Variants in ABHD6 observed in about 807,000 individuals in gnomAD.
The protein encoded by ABHD6 is monoacylglycerol lipase ABHD6.
Under a neutral mutation model 38.8 loss-of-function variants are expected in ABHD6, and 33 were observed. That is an observed-to-expected ratio of 0.85 (90% CI 0.64 to 1.14). ABHD6 has a LOEUF of 1.14. Ranked by LOEUF, ABHD6 falls within the 50% of genes most tolerant of loss-of-function variation. ABHD6 has a pLI of 0.00. For synonymous variants in ABHD6, 147 were observed against 161.6 expected (o/e 0.91, Z 0.69); for missense variants, 380 against 422.6 (o/e 0.90, Z 0.88).
chr3:58,277,377 A>G lies in ABHD6; in HGVS notation c.681+2562A>G, dbSNP rs183629664. ...TAGGTATTTTATTCTCTTTGTAGCA[A>G]TTGTGAATGGGAGTTCACTCATGAT... is the stretch of plus-strand genomic sequence containing the variant. On this transcript the variant is annotated intron_variant, in intron 7 of 9. Transcript: ENST00000478253. Among the ~76,000 whole-genome samples the G allele has an allele frequency of 1.0e-3, 154 of 152,274 alleles. 2 individuals carry two copies. Among genetic ancestry groups the G allele is most frequent in the Admixed American group, 8.5e-3 (130 of 15,296 alleles).
Position 58,259,041 on chromosome 3 carries a change from C to T in ABHD6, c.119+2336C>T, listed in dbSNP as rs537389347. Among the ~76,000 whole-genome samples the T allele has an allele frequency of 2.6e-5, 4 of 152,210 alleles. No homozygotes were observed. Among genetic ancestry groups the T allele is most frequent in the Non-Finnish European group, 5.9e-5 (4 of 68,018 alleles). On this transcript the variant is annotated intron_variant, in intron 3 of 9. Transcript: ENST00000478253. This position sits in a 1 kb window ranked among gnomAD's most constrained non-coding sequence, Gnocchi z 4.7. Reference sequence around the variant, plus strand: ...AGTTGCGTGCCCCTTCTCATGGCCTCGTCAAGGCATCATGGACTGCCACAC... The same window carrying T: ...AGTTGCGTGCCCCTTCTCATGGCCTTGTCAAGGCATCATGGACTGCCACAC...
At chr3:58,253,461 T>C (rs1378782415) in intron 2 of ABHD6, among the ~76,000 whole-genome samples, 1 of 152,220 alleles carries the variant, frequency 6.6e-6, no homozygotes, top group East Asian at 1.9e-4. Context: ...GCTTACTCCT[T>C]GAAGGTGATG....
In ABHD6 at chr3:58,266,992, G is replaced by A. The variant is rs887716542; in HGVS notation, c.120-197G>A. Among the ~76,000 whole-genome samples the A allele has an allele frequency of 6.6e-6, 1 of 152,186 alleles. No homozygotes were observed. On this transcript the variant is annotated intron_variant, in intron 3 of 9. Transcript: ENST00000478253. The surrounding 1 kb of genome is among the most constrained non-coding windows in gnomAD (Gnocchi z 4.0). ...TATACCAAAATAGTTCATTTAAGGT[G>A]TTCTCTGGAATGGTTTGGCTTTGTG... is the stretch of plus-strand genomic sequence containing the variant.
chr3:58,279,058 TAAG>T (rs1176588238), intron 7 of ABHD6, among the ~76,000 whole-genome samples: 1 of 152,240 alleles, frequency 6.6e-6, no homozygotes, highest in Non-Finnish European at 1.5e-5. Context: ...GATGTGGTGC[TAAG>T]AAGAATGTAT....
At chr3:58,258,222 G>A (rs561620385) in intron 3 of ABHD6, among the ~76,000 whole-genome samples, 3 of 152,094 alleles carry the variant, frequency 2.0e-5, no homozygotes, top group Non-Finnish European at 4.4e-5. Flanking sequence ...CAGGAGAATC[G>A]CCTGATCCTG....
chr3:58,240,299 G>T (rs1258216684), intron 1 of ABHD6, among the ~76,000 whole-genome samples: 1 of 151,754 alleles, frequency 6.6e-6, no homozygotes, highest in Admixed American at 6.6e-5. Context: ...GGCTGACCTG[G>T]AACTCTTGGG....
At chr3:58,272,787 A>C (rs1470677196) in intron 6 of ABHD6, among the ~76,000 whole-genome samples, 1 of 152,228 alleles carries the variant, frequency 6.6e-6, no homozygotes, top group Non-Finnish European at 1.5e-5. Flanking sequence ...AGTAGAAATA[A>C]ATTCAGGATT....
At chr3:58,276,086 G>C (rs1189384934) in intron 7 of ABHD6, among the ~76,000 whole-genome samples, 1 of 152,172 alleles carries the variant, frequency 6.6e-6, no homozygotes, top group Non-Finnish European at 1.5e-5. Flanking sequence ...ACGTGTACAT[G>C]TGTCTTTATA....
intron 1 of ABHD6, among the ~76,000 whole-genome samples, chr3:58,247,803 G>A (rs1355845209): frequency 6.6e-6 from 1 of 152,202 alleles, no homozygotes; most frequent in African/African-American, 2.4e-5. Flanking sequence ...TCGAACTACT[G>A]GCCTCAAGTG....
At chr3:58,249,806 C>G (rs1277498609) in intron 1 of ABHD6, 72 bp from the exon 2 acceptor site, 1 of 152,142 alleles carries the variant, frequency 6.6e-6, no homozygotes, top group Admixed American at 6.6e-5. Flanking sequence ...GCAATTTGGC[C>G]GGCTGTTAGC....
chr3:58,287,469 G>T lies in ABHD6; in HGVS notation c.837+2016G>T, dbSNP rs1481056551. Reference sequence around the variant, plus strand: ...CCATGGCGTGTACGCAGAATAAGAGGCAATGGTGTCTTAGATGAGCCAGGC... The same window carrying T: ...CCATGGCGTGTACGCAGAATAAGAGTCAATGGTGTCTTAGATGAGCCAGGC... On this transcript the variant is annotated intron_variant, in intron 9 of 9. Transcript: ENST00000478253. This position sits in a 1 kb window ranked among gnomAD's most constrained non-coding sequence, Gnocchi z 4.7. 6.6e-6 allele frequency among the ~76,000 whole-genome samples: 1 copy of T among 151,680 alleles called. No individual in the cohort carries two copies. The highest frequency in any genetic ancestry group is 1.5e-5 in the Non-Finnish European group (1 of 67,876).
Position 58,273,138 on chromosome 3 carries a change from C to T in ABHD6, c.524-1520C>T, listed in dbSNP as rs951722920. ...GATAATGTCATCTGCTTCATGGCAT[C>T]GTGAAAGCCATACATCATACCCATG... On this transcript the variant is annotated intron_variant, in intron 6 of 9. Transcript: ENST00000478253. This position sits in a 1 kb window ranked among gnomAD's most constrained non-coding sequence, Gnocchi z 4.8. Among the ~76,000 whole-genome samples the T allele has an allele frequency of 6.6e-6, 1 of 152,106 alleles. No individual in the cohort carries two copies. The highest frequency in any genetic ancestry group is 2.4e-5 in the African/African-American group (1 of 41,418).
In ABHD6 at chr3:58,285,399, G is replaced by C; in HGVS notation, c.783G>C (p.Gln261His). 6.8e-6 allele frequency: 11 copies of C among 1,614,140 alleles called. No homozygotes were observed. Among genetic ancestry groups the C allele is most frequent in the Non-Finnish European group, 9.3e-6 (11 of 1,179,994 alleles). The part of the protein sequence containing the change: ...VSEKSRYSLH[Q>H]NMDKIKVPTQ... ...AGAAGTCCAGATACTCTCTCCATCA[G>C]AACATGGACAAGATCAAGGTTCCGA... The change falls in exon 9 of 10, where the codon CAG (glutamine) becomes CAC (histidine). Residue 261 changes from glutamine (Q) to histidine (H), a missense_variant. Transcript: ENST00000478253. This position sits in a 1 kb window ranked among gnomAD's most constrained non-coding sequence, Gnocchi z 4.9.
At chr3:58,241,058 T>A (rs1208535329) in intron 1 of ABHD6, among the ~76,000 whole-genome samples, 3 of 152,144 alleles carry the variant, frequency 2.0e-5, no homozygotes, top group Admixed American at 1.3e-4. Flanking sequence ...AATTTTGTTG[T>A]TGTTGTTGGT....
chr3:58,248,559 A>G (rs60802251), intron 1 of ABHD6, among the ~76,000 whole-genome samples: 4,784 of 152,246 alleles, frequency 0.031, 260 homozygotes, highest in African/African-American at 0.11. Flanking sequence ...TTAGCCGGGC[A>G]TGGTGGCACA....
chr3:58,266,109 T>C lies in ABHD6; in HGVS notation c.120-1080T>C, dbSNP rs2097440695. Among the ~76,000 whole-genome samples, 1 of 152,226 alleles carries C rather than the reference T, an allele frequency of 6.6e-6. No individual in the cohort carries two copies. Among genetic ancestry groups the C allele is most frequent in the Admixed American group, 6.5e-5 (1 of 15,288 alleles). ...TAAGCTAGCCAATGCTATTATGTTC[T>C]TTACGTTTTGAGTAGGCAATGCAGT... is the stretch of plus-strand genomic sequence containing the variant. On this transcript the variant is annotated intron_variant, in intron 3 of 9. Coordinates refer to ENST00000478253, the MANE Select transcript of ABHD6 (RefSeq NM_001320126.2). The surrounding 1 kb of genome is among the most constrained non-coding windows in gnomAD (Gnocchi z 4.0).
At position 58,285,230 on chromosome 3, in the gene ABHD6, T is replaced by C. The variant is rs916688052; in HGVS notation, c.736+91T>C. On this transcript the variant is annotated intron_variant, in intron 8 of 9. Coordinates refer to ENST00000478253, the MANE Select transcript of ABHD6 (RefSeq NM_001320126.2). This position sits in a 1 kb window ranked among gnomAD's most constrained non-coding sequence, Gnocchi z 4.9. The stretch of plus-strand genomic sequence containing the variant: ...TTTCTTAAATCTCTGACACTTTGAA[T>C]GTCTCTTTGGGCCCCTGAAGAGAGG... 9 of 1,540,866 alleles carry C rather than the reference T, an allele frequency of 5.8e-6. No individual in the cohort carries two copies. The South Asian group carries it at 8.9e-5, about 15-fold the overall frequency.
At chr3:58,286,870 G>GTGTATA (rs2097457742) in intron 9 of ABHD6, among the ~76,000 whole-genome samples, 1 of 75,060 alleles carries the variant, frequency 1.3e-5, no homozygotes, top group Non-Finnish European at 2.7e-5. Context: ...ATATATATAT[G>GTGTATA]TATATGTATA....
chr3:58,248,842 A>G (rs899837267), intron 1 of ABHD6, among the ~76,000 whole-genome samples: 3 of 152,246 alleles, frequency 2.0e-5, no homozygotes, highest in African/African-American at 7.2e-5. Context: ...ATTTTTCCAT[A>G]GCCTCAGCAG....
Sources: allele counts gnomAD v4.1 joint callset (sites outside exome capture counted in the v4.1 genomes callset), GRCh38; gene constraint gnomAD v4.1.1; non-coding constraint Gnocchi (gnomAD v3.1); transcripts MANE v1.5; gene names NCBI Gene and HGNC (gene_info 2026-07-23, HGNC 2026-07-21).